Variants in ANGPTL5 observed in about 807,000 individuals in gnomAD.
ANGPTL5 encodes angiopoietin like 5.
A neutral mutation model predicts 39.4 loss-of-function variants in ANGPTL5; 34 were observed. The ratio of observed to expected loss-of-function variants is 0.86; its 90% CI spans 0.66 to 1.15. The LOEUF is 1.15. ANGPTL5 is among the 50% of genes most tolerant of loss of function. The probability of loss-of-function intolerance (pLI) is 0.00; values close to 1 mark genes in which losing one functional copy is unlikely to be tolerated. For synonymous variants in ANGPTL5, 146 were observed against 152.1 expected (o/e 0.96, Z 0.29); for missense variants, 467 against 457.5 (o/e 1.02, Z -0.19).
intron 7 of ANGPTL5, among the ~76,000 whole-genome samples, chr11:101,896,778 C>G (rs1181713311): frequency 3.3e-5 from 5 of 152,186 alleles, no homozygotes. Context: ...GGGTTGGTGC[C>G]AAGTCTTTGC....
intron 6 of ANGPTL5, among the ~76,000 whole-genome samples, chr11:101,901,528 A>C (rs1939899755): frequency 6.6e-6 from 1 of 152,152 alleles, no homozygotes; most frequent in African/African-American, 2.4e-5. Flanking sequence ...ATAGGGAAGA[A>C]ATCAGAGCAA....
At chr11:101,906,796 G>T (rs1940004122) in intron 3 of ANGPTL5, among the ~76,000 whole-genome samples, 1 of 151,832 alleles carries the variant, frequency 6.6e-6, no homozygotes, top group Non-Finnish European at 1.5e-5. Context: ...TTTTCAGTCT[G>T]TCACTTTCTA....
chr11:101,914,539 G>A (rs1940153815), intron 1 of ANGPTL5, among the ~76,000 whole-genome samples: 2 of 152,180 alleles, frequency 1.3e-5, no homozygotes, highest in African/African-American at 4.8e-5. Flanking sequence ...CAGAGGGAAT[G>A]CCAGAAGCAT....
chr11:101,911,781 T>C lies in ANGPTL5; in HGVS notation c.-92-3780A>G, dbSNP rs750962193. ...ACTCTCAGGTGTTTCTTTATAGCAG[T>C]GCGAGAACTGCCTAATACACCCTAC... On this transcript the variant is annotated intron_variant, in intron 1 of 8. Transcript: ENST00000334289. Among the ~76,000 whole-genome samples the C allele has an allele frequency of 4.6e-4, 70 of 152,334 alleles. 1 individual carries two copies. Among genetic ancestry groups the C allele is most frequent in the Non-Finnish European group, 9.1e-4 (62 of 68,020 alleles).
At chr11:101,896,720 G>A (rs759018515) in intron 7 of ANGPTL5, among the ~76,000 whole-genome samples, 4 of 152,212 alleles carry the variant, frequency 2.6e-5, no homozygotes, top group Non-Finnish European at 5.9e-5. Context: ...ATTCCATGGT[G>A]TATATGTGCC....
At position 101,916,358 on chromosome 11, in the gene ANGPTL5, A is replaced by G. The variant is rs1940212565; in HGVS notation, c.-432T>C. 1.3e-5 allele frequency: 2 copies of G among 152,196 alleles called. No homozygotes were observed. Among genetic ancestry groups the G allele is most frequent in the African/African-American group, 4.8e-5 (2 of 41,456 alleles). The allele number at this position is 152,196 out of a possible 1,614,324, so 9.4% of individuals were successfully genotyped here. A position where few individuals can be genotyped will look rare whatever the true frequency, so the allele number is the denominator to read the frequency against. ...GCTGACTCTGTTCTAGGTTCTAGGG[A>G]TACAAATCTAGTGAGGAAGACAAAT... On this transcript the variant is annotated 5_prime_UTR_variant, in exon 1 of 9. Transcript: ENST00000334289.
At chr11:101,911,239 T>G (rs1021417003) in intron 1 of ANGPTL5, among the ~76,000 whole-genome samples, 1 of 149,754 alleles carries the variant, frequency 6.7e-6, no homozygotes, top group Non-Finnish European at 1.5e-5. Context: ...TTCTCCTTCC[T>G]CCGCCTCCCA....
intron 6 of ANGPTL5, among the ~76,000 whole-genome samples, chr11:101,901,713 CTT>C (rs1939903137): frequency 6.6e-6 from 1 of 152,064 alleles, no homozygotes; most frequent in African/African-American, 2.4e-5. Context: ...GGTGAAGTAA[CTT>C]AGGTAATTTT....
At chr11:101,904,009 A>T (rs1156482511) in intron 5 of ANGPTL5, among the ~76,000 whole-genome samples, 1 of 152,142 alleles carries the variant, frequency 6.6e-6, no homozygotes, top group Non-Finnish European at 1.5e-5. Flanking sequence ...TGATGAGAAA[A>T]CATATCAAGA....
intron 8 of ANGPTL5, among the ~76,000 whole-genome samples, chr11:101,892,539 G>T (rs533962033): frequency 6.6e-5 from 10 of 152,154 alleles, no homozygotes; most frequent in Admixed American, 4.6e-4. Flanking sequence ...CCTGAACATT[G>T]TATGTATGGT....
In ANGPTL5 at chr11:101,916,443, TC is replaced by T. The variant is rs1940215352; in HGVS notation, c.-518del. 6.6e-6 allele frequency: 1 copy of T among 152,258 alleles called. No homozygotes were observed. Among genetic ancestry groups the T allele is most frequent in the Admixed American group, 6.5e-5 (1 of 15,286 alleles). The allele number at this position is 152,258 out of a possible 1,614,324, so 9.4% of individuals were successfully genotyped here. Reference sequence around the variant, plus strand: ...TCTCCGATCATGCTTTCTGCAATCTTCCATCCCTTCAGTCTTTTCTTTCTTT... The same window carrying T: ...TCTCCGATCATGCTTTCTGCAATCTTCATCCCTTCAGTCTTTTCTTTCTTT... On this transcript the variant is annotated 5_prime_UTR_variant, in exon 1 of 9. An upstream open reading frame in the 5' UTR gains an earlier in-frame stop. Coordinates refer to ENST00000334289, the MANE Select transcript of ANGPTL5 (RefSeq NM_178127.5).
intron 8 of ANGPTL5, among the ~76,000 whole-genome samples, chr11:101,892,588 T>C (rs1939722969): frequency 6.6e-6 from 1 of 152,184 alleles, no homozygotes; most frequent in South Asian, 2.1e-4. Context: ...TGATTAAGTA[T>C]CTTGTCCAAG....
At chr11:101,891,894 A>G (rs999027060) in intron 8 of ANGPTL5, among the ~76,000 whole-genome samples, 22 of 152,344 alleles carry the variant, frequency 1.4e-4, no homozygotes, top group Admixed American at 1.1e-3. Context: ...TATAGCATAC[A>G]GAGCTGTCAT....
intron 6 of ANGPTL5, among the ~76,000 whole-genome samples, chr11:101,901,781 A>G (rs1383853009): frequency 6.6e-6 from 1 of 152,292 alleles, no homozygotes; most frequent in East Asian, 1.9e-4. Flanking sequence ...TAGATTCCAA[A>G]TAAAATAATG....
At position 101,916,066 on chromosome 11, in the gene ANGPTL5, G is replaced by A. The variant is rs1940205372; in HGVS notation, c.-140C>T. The A allele has an allele frequency of 6.6e-6, 1 of 152,232 alleles. No individual in the cohort carries two copies. Among genetic ancestry groups the A allele is most frequent in the African/African-American group, 2.4e-5 (1 of 41,448 alleles). 9.4% of individuals were successfully genotyped at this position (152,232 alleles called of 1,614,324 possible). A position where few individuals can be genotyped will look rare whatever the true frequency, so the allele number is the denominator to read the frequency against. On this transcript the variant is annotated 5_prime_UTR_variant, in exon 1 of 9. Transcript: ENST00000334289. Reference sequence around the variant, plus strand: ...ATTGTAGAAAATGGAAAGAGGAGAAGTATTTTGTTATCAAAATCTGTAAAT... The same window carrying A: ...ATTGTAGAAAATGGAAAGAGGAGAAATATTTTGTTATCAAAATCTGTAAAT...
At chr11:101,911,094 C>CTTTTTTTTTT (rs71059524) in intron 1 of ANGPTL5, among the ~76,000 whole-genome samples, 1 of 54,962 alleles carries the variant, frequency 1.8e-5, no homozygotes, top group Non-Finnish European at 3.4e-5. Context: ...CTACCCAAAT[C>CTTTTTTTTTT]TTTTTTTTTT....
At chr11:101,903,450 C>G (rs551649466) in intron 5 of ANGPTL5, among the ~76,000 whole-genome samples, 43 of 152,224 alleles carry the variant, frequency 2.8e-4, no homozygotes, top group African/African-American at 1.0e-3. Context: ...GTCCATTATC[C>G]AAATGCCCAT....
intron 1 of ANGPTL5, chr11:101,915,475 A>T: frequency 6.4e-7 from 1 of 1,557,330 alleles, no homozygotes; most frequent in South Asian, 1.2e-5. Flanking sequence ...ATCTTTTTCC[A>T]ATTAGATTCC....
At chr11:101,896,448 G>A (rs185427799) in intron 7 of ANGPTL5, among the ~76,000 whole-genome samples, 5 of 151,980 alleles carry the variant, frequency 3.3e-5, no homozygotes, top group African/African-American at 7.3e-5. Context: ...ATGGTGATTC[G>A]CTGCACCCAT....
Sources: gnomAD v4.1 joint callset for allele counts (sites outside exome capture counted in the v4.1 genomes callset) on GRCh38, gnomAD v4.1.1 for gene constraint, MANE v1.5 for transcripts, NCBI Gene and HGNC (gene_info 2026-07-23, HGNC 2026-07-21) for gene names.